DHODH: variants seen among roughly 807,000 people sequenced by gnomAD.
DHODH encodes the protein dihydroorotate dehydrogenase (quinone), mitochondrial.
Under a neutral mutation model 39.7 loss-of-function variants are expected in DHODH, and 30 were observed. The ratio of observed to expected loss-of-function variants is 0.76; its 90% CI spans 0.57 to 1.02. The LOEUF (loss-of-function observed/expected upper bound fraction) is 1.02. Ranked by LOEUF, DHODH falls within the 50% of genes least tolerant of loss-of-function variation. The pLI is 0.00. For missense variants in DHODH, 531 were observed against 520.8 expected (o/e 1.02, Z -0.19); for synonymous variants, 222 against 213.8 (o/e 1.04, Z -0.34).
chr16:72,020,343 A>ATATATATATG (rs2041193681), intron 4 of DHODH: 1 of 118,906 alleles, frequency 8.4e-6, no homozygotes, highest in African/African-American at 4.1e-5. Context: ...ATATATATAT[A>ATATATATATG]TATATATATA....
rs1429355518 is a variant in DHODH at position 72,025,524 on chromosome 16, G to A, written c.*1325G>A. The A allele has an allele frequency of 7.2e-5, 11 of 152,190 alleles. No homozygotes were observed. The highest frequency in any genetic ancestry group is 6.5e-4 in the Admixed American group (10 of 15,276). The allele number at this position is 152,190 out of a possible 1,614,324, so 9.4% of individuals were successfully genotyped here. Reference sequence around the variant, plus strand: ...GGTGATCACATCGCTAACTTCCGGCGTTTTCCTATCACCATCGGTGCCTCC... The same window carrying A: ...GGTGATCACATCGCTAACTTCCGGCATTTTCCTATCACCATCGGTGCCTCC... On this transcript the variant is annotated 3_prime_UTR_variant, in exon 9 of 9. Coordinates refer to ENST00000219240, the MANE Select transcript of DHODH (RefSeq NM_001361.5).
In DHODH at chr16:72,012,061, G is replaced by C; in HGVS notation, c.33G>C (p.Gln11His). ...GCTCTTTTTTGCAGAAGCGGGCCCA[G>C]GATGCTGTGATCATCCTGGGGGGAG... MAWRHLKKRA[Q>H]DAVIILGGGG... The change falls in exon 2 of 9, where the codon CAG becomes CAC. Residue 11 changes from glutamine (Q) to histidine (H), a missense_variant. By Grantham distance (24) the Gln-to-His change is conservative. Coordinates refer to ENST00000219240, the MANE Select transcript of DHODH (RefSeq NM_001361.5). 4 of 1,614,142 alleles carry C rather than the reference G, an allele frequency of 2.5e-6. No individual in the cohort carries two copies. Among genetic ancestry groups the C allele is most frequent in the Non-Finnish European group, 3.4e-6 (4 of 1,180,006 alleles).
In DHODH at chr16:72,025,366, T is replaced by G. The variant is rs1397080285; in HGVS notation, c.*1167T>G. On this transcript the variant is annotated 3_prime_UTR_variant, in exon 9 of 9. Coordinates refer to ENST00000219240, the MANE Select transcript of DHODH (RefSeq NM_001361.5). ...TGCACACTGTTATCTGTTTAGTTAC[T>G]TTATGTTTTCATACAAATGACATCA... 6.6e-6 allele frequency: 1 copy of G among 152,248 alleles called. No individual in the cohort carries two copies. The allele number at this position is 152,248 out of a possible 1,614,324, so 9.4% of individuals were successfully genotyped here. A position where few individuals can be genotyped will look rare whatever the true frequency, so the allele number is the denominator to read the frequency against.
chr16:72,011,716 T>C (rs1465632284), intron 1 of DHODH, among the ~76,000 whole-genome samples: 1 of 152,180 alleles, frequency 6.6e-6, no homozygotes, highest in Non-Finnish European at 1.5e-5. Flanking sequence ...AAGAAGGATG[T>C]CTGACTTTAT....
chr16:72,022,183 G>A (rs1050567455), intron 5 of DHODH, among the ~76,000 whole-genome samples, 179 bp from the exon 6 acceptor site: 4 of 152,054 alleles, frequency 2.6e-5, no homozygotes, highest in Admixed American at 2.0e-4. Flanking sequence ...TAAAAGAATG[G>A]AATCGGATCC....
intron 4 of DHODH, among the ~76,000 whole-genome samples, chr16:72,019,392 C>G (rs2041178709): frequency 6.6e-6 from 1 of 152,174 alleles, no homozygotes. Flanking sequence ...TTGATCCTCT[C>G]TGGCCTGACA....
At chr16:72,022,136 T>C (rs2041225183) in intron 5 of DHODH, among the ~76,000 whole-genome samples, 1 of 151,118 alleles carries the variant, frequency 6.6e-6, no homozygotes, top group Non-Finnish European at 1.5e-5. Context: ...TAAAACACCC[T>C]TGAGCTATTA....
chr16:72,022,508 TC>T, intron 6 of DHODH, 33 bp downstream of exon 6: 1 of 1,519,658 alleles, frequency 6.6e-7, no homozygotes, highest in Non-Finnish European at 8.9e-7. Flanking sequence ...AGGGTGTGCC[TC>T]CCATGGTCTG....
intron 1 of DHODH, among the ~76,000 whole-genome samples, chr16:72,011,023 G>A (rs867081340): frequency 1.4e-5 from 2 of 147,442 alleles, no homozygotes; most frequent in Admixed American, 6.6e-5. Context: ...ACCAAGTCCA[G>A]CTATGTGCAA....
At position 72,023,477 on chromosome 16, in the gene DHODH, G is replaced by C; in HGVS notation, c.977G>C (p.Arg326Pro). 1 of 1,614,096 alleles carries C rather than the reference G, an allele frequency of 6.2e-7. No homozygotes were observed. The highest frequency in any genetic ancestry group is 8.5e-7 in the Non-Finnish European group (1 of 1,180,026). Reference protein sequence around the residue: ...IREMYALTQGRVPIIGVGGVS... With the variant: ...IREMYALTQGPVPIIGVGGVS... The stretch of plus-strand genomic sequence containing the variant: ...GTCGCCATGTGCTTCTCTGTAGGCC[G>C]AGTTCCCATAATTGGGGTTGGTGGT... Residue 326 changes from arginine to proline, a missense_variant, in exon 8 of 9, where the codon CGA (arginine) becomes CCA (proline). Coordinates refer to ENST00000219240, the MANE Select transcript of DHODH (RefSeq NM_001361.5).
intron 1 of DHODH, 124 bp from the exon 2 acceptor site, chr16:72,011,925 GA>G (rs2041085596): frequency 1.4e-6 from 1 of 711,918 alleles, no homozygotes; most frequent in Non-Finnish European, 2.4e-6. Flanking sequence ...AGTGTCAGCG[GA>G]AGGCTAAGGG....
At chr16:72,008,815 G>GGGGACCA in intron 1 of DHODH, 30 bp downstream of exon 1, 1 of 1,552,506 alleles carries the variant, frequency 6.4e-7, no homozygotes, top group Non-Finnish European at 8.7e-7. Flanking sequence ...AGTGTGGATG[G>GGGGACCA]GGGACCAGGG....
chr16:72,015,584 A>T (rs2041133667), intron 3 of DHODH: 1 of 624,476 alleles, frequency 1.6e-6, no homozygotes, highest in South Asian at 7.1e-5. Context: ...ACGGACCTGT[A>T]GGACATTTAC....
intron 4 of DHODH, chr16:72,020,346 TATATATATGTGTATATATATATATA>T (rs1567572811): frequency 1.7e-5 from 2 of 119,042 alleles, no homozygotes; most frequent in African/African-American, 8.2e-5. Flanking sequence ...TATATATATA[TATATATATGTGTATATATATATATA>T]TTTTTTTTTT....
rs536185834 is a variant in DHODH at position 72,024,618 on chromosome 16, T to C, written c.*419T>C. On this transcript the variant is annotated 3_prime_UTR_variant, in exon 9 of 9. Coordinates refer to ENST00000219240, the MANE Select transcript of DHODH (RefSeq NM_001361.5). ...GGGCTTCCCAGGAACTTGACTGTCT[T>C]TCATTTGATCTTTATTTTTGTTTAT... 6.6e-4 allele frequency: 124 copies of C among 187,898 alleles called. No individual in the cohort carries two copies. The highest frequency in any genetic ancestry group is 2.6e-3 in the African/African-American group (112 of 42,674). 11.6% of individuals were successfully genotyped at this position (187,898 alleles called of 1,614,324 possible). A position where few individuals can be genotyped will look rare whatever the true frequency, so the allele number is the denominator to read the frequency against.
rs1027982143 is a variant in DHODH at position 72,014,402 on chromosome 16, G to T, written c.235-71G>T. The T allele has an allele frequency of 2.7e-6, 4 of 1,456,322 alleles. No homozygotes were observed. The African/African-American group carries it at 5.6e-5, about 20-fold the overall frequency. The allele number at this position is 1,456,322 out of a possible 1,614,324, so 90.2% of individuals were successfully genotyped here. On this transcript the variant is annotated intron_variant, in intron 2 of 8. Coordinates refer to ENST00000219240, the MANE Select transcript of DHODH (RefSeq NM_001361.5). ...TCCCAGGTCATTCTGATGTAGCTGT[G>T]CCAGGAACCATGCTTTGAGAAATAC...
intron 3 of DHODH, chr16:72,015,524 T>TG (rs1294054983): frequency 5.4e-6 from 1 of 185,600 alleles, no homozygotes; most frequent in Non-Finnish European, 1.0e-5. Context: ...AGAGCCTCCT[T>TG]GGGGAGATTT....
chr16:72,023,762 G>T, intron 8 of DHODH, 129 bp downstream of exon 8: 1 of 1,339,638 alleles, frequency 7.5e-7, no homozygotes, highest in Non-Finnish European at 1.0e-6. Context: ...CACTCTGAAG[G>T]GGAGAGAAAT....
Position 72,014,616 on chromosome 16 carries a change from A to C in DHODH, c.378A>C (p.Glu126Asp), listed in dbSNP as rs757198772. The C allele has an allele frequency of 6.2e-7, 1 of 1,614,158 alleles. No individual in the cohort carries two copies. The highest frequency in any genetic ancestry group is 1.1e-5 in the South Asian group (1 of 91,086). The change falls in exon 3 of 9, where the codon GAA (glutamate) becomes GAC (aspartate). Residue 126 changes from glutamate (E) to aspartate (D), a missense_variant. Coordinates refer to ENST00000219240, the MANE Select transcript of DHODH (RefSeq NM_001361.5). ...GAAGTGTGACTCCAAAACCTCAGGA[A>C]GGAAACCCTAGACCCAGAGTCTTCC... ...EIGSVTPKPQ[E>D]GNPRPRVFRL...
Sources: allele counts gnomAD v4.1 joint callset (sites outside exome capture counted in the v4.1 genomes callset), GRCh38; gene constraint gnomAD v4.1.1; transcripts MANE v1.5; gene names NCBI Gene and HGNC (gene_info 2026-07-23, HGNC 2026-07-21).